The following CDCA7L variants were observed in gnomAD, a reference collection of about 807,000 sequenced individuals.
CDCA7L encodes cell division cycle associated 7 like, also known as cell division cycle-associated 7-like protein.
A neutral mutation model predicts 57.4 loss-of-function variants in CDCA7L; 44 were observed. The ratio of observed to expected loss-of-function variants is 0.77; its 90% CI spans 0.60 to 0.98. CDCA7L has a LOEUF of 0.98. Among genes scored for constraint, CDCA7L ranks in the 50% least tolerant of loss-of-function variants. The pLI, the probability that CDCA7L is intolerant of heterozygous loss-of-function variation, is 0.00. For synonymous variants in CDCA7L, 236 were observed against 202.8 expected, an observed-to-expected ratio of 1.16 and a Z score of -1.39; for missense variants, 644 against 580.6, an observed-to-expected ratio of 1.11 and a Z score of -1.12.
Position 21,908,211 on chromosome 7 carries a change from CTCAGACTCAGAGGTAGAATCT to C in CDCA7L, c.579_599del (p.Ser195_Asp201del). The C allele has an allele frequency of 6.2e-7, 1 of 1,611,744 alleles. No homozygotes were observed. On this transcript the variant is annotated inframe_deletion, in exon 4 of 10. Transcript: ENST00000406877. ...CCTGGCTCTCATCCCGAGAGTCATC[CTCAGACTCAGAGGTAGAATCT>C]TCCCTTTGTATCACCTGTCTACAGT...
Position 21,945,226 on chromosome 7 carries a change from G to A in CDCA7L, c.24+555C>T, listed in dbSNP as rs578195322. On this transcript the variant is annotated intron_variant, in intron 1 of 9. Coordinates refer to ENST00000406877, the MANE Select transcript of CDCA7L (RefSeq NM_018719.5). The stretch of plus-strand genomic sequence containing the variant: ...TGGGATCTTGCAGCTTGTTTAACTC[G>A]GCCCAATGACGTTACCATTTCCCCC... Among the ~76,000 whole-genome samples the A allele has an allele frequency of 8.0e-4, 121 of 152,074 alleles. 1 individual carries two copies. The highest frequency in any genetic ancestry group is 2.8e-3 in the African/African-American group (116 of 41,494).
Position 21,901,762 on chromosome 7 carries a change from G to GT in CDCA7L, c.*559dup, listed in dbSNP as rs1784876460. 6.4e-5 allele frequency: 1 copy of GT among 15,544 alleles called. No individual in the cohort carries two copies. The highest frequency in any genetic ancestry group is 1.7e-3 in the Non-Finnish European group (1 of 586). 1.0% of individuals were successfully genotyped at this position (15,544 alleles called of 1,614,324 possible). A position where few individuals can be genotyped will look rare whatever the true frequency, so the allele number is the denominator to read the frequency against. On this transcript the variant is annotated 3_prime_UTR_variant, in exon 10 of 10. Coordinates refer to ENST00000406877, the MANE Select transcript of CDCA7L (RefSeq NM_018719.5). ...AGGCTAGCACTCTGTAAGGCCTCCAGTGTCCAGTGTCTACAATGTTGATGG... is the reference window on the plus strand; with the variant it reads ...AGGCTAGCACTCTGTAAGGCCTCCAGTTGTCCAGTGTCTACAATGTTGATGG...
At chr7:21,908,965 G>A (rs1280242109) in intron 3 of CDCA7L, among the ~76,000 whole-genome samples, 1 of 152,206 alleles carries the variant, frequency 6.6e-6, no homozygotes, top group African/African-American at 2.4e-5. Flanking sequence ...GAATAACAGG[G>A]CGGGAGAGCT....
chr7:21,925,778 T>C (rs1199748646), intron 1 of CDCA7L, among the ~76,000 whole-genome samples: 1 of 152,046 alleles, frequency 6.6e-6, no homozygotes, highest in Non-Finnish European at 1.5e-5. Context: ...TCCCAGCTAC[T>C]TGGGAGGCTG....
chr7:21,905,665 T>A, intron 6 of CDCA7L, 34 bp from the exon 7 acceptor site: 1 of 1,591,330 alleles, frequency 6.3e-7, no homozygotes. Context: ...CATGGAGATG[T>A]GTTGAGCAGT....
chr7:21,936,163 G>A (rs10277891), intron 1 of CDCA7L, among the ~76,000 whole-genome samples: 11,561 of 152,084 alleles, frequency 0.076, 1,448 homozygotes, highest in African/African-American at 0.26. Flanking sequence ...GAATATATTT[G>A]AAATAAGGAT....
At chr7:21,934,862 GAAC>G (rs1456203162) in intron 1 of CDCA7L, among the ~76,000 whole-genome samples, 1 of 152,098 alleles carries the variant, frequency 6.6e-6, no homozygotes, top group East Asian at 1.9e-4. Context: ...CTAGAAGATA[GAAC>G]AATTATAAAT....
intron 1 of CDCA7L, among the ~76,000 whole-genome samples, chr7:21,928,382 C>T (rs1396725250): frequency 1.3e-5 from 2 of 152,026 alleles, no homozygotes; most frequent in Admixed American, 6.6e-5. Context: ...ATTCCAAAAA[C>T]CAGAATGCCT....
At chr7:21,942,986 T>G (rs569638373) in intron 1 of CDCA7L, among the ~76,000 whole-genome samples, 1 of 152,322 alleles carries the variant, frequency 6.6e-6, no homozygotes, top group Non-Finnish European at 1.5e-5. Context: ...CATCATTTCC[T>G]TCTCAAATGG....
In CDCA7L at chr7:21,904,299, T is replaced by C. The variant is rs182722195; in HGVS notation, c.1048-40A>G. 1.8e-5 allele frequency: 28 copies of C among 1,539,878 alleles called. No individual in the cohort carries two copies. In the East Asian group the frequency reaches 4.1e-4, roughly 23 times the overall value. On this transcript the variant is annotated intron_variant, in intron 7 of 9. Coordinates refer to ENST00000406877, the MANE Select transcript of CDCA7L (RefSeq NM_018719.5). ...CAGTGAGCAGGTGAACACAGGGATA[T>C]GCTGATGCCCAATGAGGCCAGATGC...
intron 1 of CDCA7L, among the ~76,000 whole-genome samples, chr7:21,934,200 C>T (rs936867264): frequency 6.6e-6 from 1 of 152,062 alleles, no homozygotes; most frequent in African/African-American, 2.4e-5. Flanking sequence ...TTGTTATTTT[C>T]TAAAGGATTA....
chr7:21,910,729 A>T (rs986062355), intron 3 of CDCA7L, among the ~76,000 whole-genome samples: 4 of 152,208 alleles, frequency 2.6e-5, no homozygotes, highest in African/African-American at 9.7e-5. Context: ...TGCAGGATAA[A>T]ACAAACAAAT....
At chr7:21,920,382 G>C (rs1785614036) in intron 1 of CDCA7L, among the ~76,000 whole-genome samples, 1 of 152,122 alleles carries the variant, frequency 6.6e-6, no homozygotes, top group Non-Finnish European at 1.5e-5. Flanking sequence ...GTTCCATTTA[G>C]GAAACTGGTA....
At chr7:21,926,761 T>A (rs956821752) in intron 1 of CDCA7L, among the ~76,000 whole-genome samples, 4 of 152,204 alleles carry the variant, frequency 2.6e-5, no homozygotes, top group African/African-American at 9.6e-5. Flanking sequence ...TAGTCCCTGC[T>A]ACTTGGGAGC....
intron 2 of CDCA7L, 116 bp from the exon 3 acceptor site, chr7:21,911,870 G>A: frequency 1.2e-6 from 1 of 841,964 alleles, no homozygotes; most frequent in Admixed American, 2.7e-5. Context: ...TGACGAAAAT[G>A]GATGGACAAC....
At chr7:21,939,530 G>T (rs1562638690) in intron 1 of CDCA7L, among the ~76,000 whole-genome samples, 1 of 152,218 alleles carries the variant, frequency 6.6e-6, no homozygotes, top group Non-Finnish European at 1.5e-5. Flanking sequence ...CACTTGGGAA[G>T]TGTGAAGTAA....
At chr7:21,922,884 G>T (rs949807470) in intron 1 of CDCA7L, among the ~76,000 whole-genome samples, 2 of 152,294 alleles carry the variant, frequency 1.3e-5, no homozygotes, top group African/African-American at 2.4e-5. Context: ...GAACTTTGAA[G>T]ACGTTATGCT....
intron 1 of CDCA7L, among the ~76,000 whole-genome samples, chr7:21,933,522 C>G (rs762728506): frequency 4.6e-5 from 7 of 152,008 alleles, no homozygotes; most frequent in Non-Finnish European, 8.8e-5. Flanking sequence ...AAGCAGGAAA[C>G]CAGCTAAATT....
At chr7:21,932,828 T>G (rs988143817) in intron 1 of CDCA7L, among the ~76,000 whole-genome samples, 11 of 152,118 alleles carry the variant, frequency 7.2e-5, no homozygotes, top group Non-Finnish European at 1.5e-4. Context: ...AAAGAGCTTC[T>G]GCACAGCAAA....
Sources: gnomAD v4.1 joint callset for allele counts (sites outside exome capture counted in the v4.1 genomes callset) on GRCh38, gnomAD v4.1.1 for gene constraint, MANE v1.5 for transcripts, NCBI Gene and HGNC (gene_info 2026-07-23, HGNC 2026-07-21) for gene names.